Variants in SPATA18 observed in about 807,000 individuals in gnomAD.
The protein encoded by SPATA18 is mitochondria-eating protein.
Under a neutral mutation model 68.1 loss-of-function variants are expected in SPATA18, and 54 were observed. That is an observed-to-expected ratio of 0.79 (90% confidence interval 0.64 to 0.99). The LOEUF is 0.99. SPATA18 is among the 50% of genes least tolerant of loss of function. The probability of loss-of-function intolerance (pLI) is 0.00; values close to 1 mark genes in which losing one functional copy is unlikely to be tolerated. For missense variants in SPATA18, 724 were observed against 681.1 expected (o/e 1.06, Z -0.70); for synonymous variants, 242 against 244.8 (o/e 0.99, Z 0.11).
intron 11 of SPATA18, among the ~76,000 whole-genome samples, chr4:52,087,750 A>C (rs1277410209): frequency 6.6e-6 from 1 of 151,860 alleles, no homozygotes; most frequent in East Asian, 1.9e-4. Context: ...CTTGGCTAGG[A>C]GGGCTCTTTT....
In SPATA18 at chr4:52,082,437, A is replaced by G. The variant is rs1741018566; in HGVS notation, c.1406A>G (p.His469Arg). 6.2e-7 allele frequency: 1 copy of G among 1,613,934 alleles called. No homozygotes were observed. The highest frequency in any genetic ancestry group is 1.3e-5 in the African/African-American group (1 of 74,880). The change falls in exon 10 of 13, where the codon CAC becomes CGC. Residue 469 changes from histidine (H) to arginine (R), a missense_variant. His to Arg is a conservative substitution (Grantham distance 29). Transcript: ENST00000295213. Reference protein sequence around the residue: ...SDFTAPLVLYHVWPALMENDC... With the variant: ...SDFTAPLVLYRVWPALMENDC... ...TTCACTGCTCCCTTAGTCCTCTATC[A>G]CGTGTGGCCTGCTCTCATGGAGAAT...
intron 1 of SPATA18, among the ~76,000 whole-genome samples, chr4:52,052,641 A>G (rs1390181477): frequency 1.3e-5 from 2 of 152,278 alleles, no homozygotes; most frequent in African/African-American, 4.8e-5. Flanking sequence ...TTGGCTCTGC[A>G]TAGAACTAGC....
At chr4:52,069,964 G>T in intron 5 of SPATA18, 48 bp downstream of exon 5, 1 of 1,379,428 alleles carries the variant, frequency 7.2e-7, no homozygotes, top group Admixed American at 2.0e-5. Context: ...ATTGAATTTA[G>T]CTTTTTTGGT....
chr4:52,093,748 C>G (rs1284422936), intron 11 of SPATA18, among the ~76,000 whole-genome samples: 1 of 152,162 alleles, frequency 6.6e-6, no homozygotes, highest in African/African-American at 2.4e-5. Flanking sequence ...CTGTGAGAAT[C>G]CCCTATACCT....
At chr4:52,083,133 G>T (rs6854325) in intron 10 of SPATA18, 1 of 985,296 alleles carries the variant, frequency 1.0e-6, no homozygotes, top group Non-Finnish European at 1.2e-6. Context: ...GAGCATGTGG[G>T]TGTGTACGTG....
chr4:52,059,723 G>A (rs905770305), intron 1 of SPATA18, among the ~76,000 whole-genome samples: 10 of 152,170 alleles, frequency 6.6e-5, no homozygotes, highest in African/African-American at 7.2e-5. Context: ...TCTGCCCCAC[G>A]AGTCTGCAAG....
intron 11 of SPATA18, among the ~76,000 whole-genome samples, chr4:52,089,150 G>A (rs1193339269): frequency 2.6e-5 from 4 of 151,946 alleles, no homozygotes; most frequent in Non-Finnish European, 4.4e-5. Flanking sequence ...ATTTTTTATT[G>A]TGTCTATTTG....
At chr4:52,088,287 G>A (rs1417509792) in intron 11 of SPATA18, among the ~76,000 whole-genome samples, 1 of 152,074 alleles carries the variant, frequency 6.6e-6, no homozygotes, top group African/African-American at 2.4e-5. Context: ...TGATTGCCCT[G>A]GCCAGAACTT....
At chr4:52,062,127 C>T (rs1191831761) in intron 3 of SPATA18, 93 bp from the exon 4 acceptor site, 9 of 727,210 alleles carry the variant, frequency 1.2e-5, no homozygotes, top group Non-Finnish European at 1.6e-5. Context: ...CATAATTGTG[C>T]TCTTTTGAGT....
chr4:52,090,652 C>T (rs1219639278), intron 11 of SPATA18, among the ~76,000 whole-genome samples: 1 of 152,128 alleles, frequency 6.6e-6, no homozygotes, highest in Non-Finnish European at 1.5e-5. Context: ...GACAGATTCA[C>T]TCACTGTTAG....
In SPATA18 at chr4:52,060,788, G is replaced by A. The variant is rs567063333; in HGVS notation, c.200G>A (p.Arg67His). The A allele has an allele frequency of 4.2e-5, 68 of 1,613,746 alleles. 1 individual carries two copies. Among genetic ancestry groups the A allele is most frequent in the South Asian group, 8.8e-5 (8 of 91,082 alleles). ...TCGTCATTTAACATTTTAGGAGGAC[G>A]TAATGATGGTGTGGAAACAATCAAG... ...ILTAAAQEGGRNDGVETIKSR... is the reference protein window; with the variant it reads ...ILTAAAQEGGHNDGVETIKSR... Residue 67 changes from arginine (R) to histidine (H), a missense_variant, in exon 3 of 13, where the codon CGT (arginine) becomes CAT (histidine). Transcript: ENST00000295213.
intron 7 of SPATA18, among the ~76,000 whole-genome samples, chr4:52,077,561 A>G (rs575138431): frequency 7.0e-4 from 106 of 152,216 alleles, no homozygotes; most frequent in South Asian, 1.9e-3. Flanking sequence ...GCATTTGTTT[A>G]AGAAGTATCC....
At chr4:52,088,450 T>C (rs1230564704) in intron 11 of SPATA18, among the ~76,000 whole-genome samples, 2 of 152,236 alleles carry the variant, frequency 1.3e-5, no homozygotes, top group Non-Finnish European at 2.9e-5. Flanking sequence ...ATATGTTCCA[T>C]TGATACTTAG....
At chr4:52,082,695 C>A in intron 10 of SPATA18, 185 bp downstream of exon 10, 1 of 1,445,788 alleles carries the variant, frequency 6.9e-7, no homozygotes, top group South Asian at 1.4e-5. Context: ...CATAATTCTG[C>A]ATAATTTCCT....
In SPATA18 at chr4:52,080,027, A is replaced by G. The variant is rs1418424784; in HGVS notation, c.1355+108A>G. The G allele has an allele frequency of 2.5e-6, 3 of 1,214,428 alleles. No homozygotes were observed. The Admixed American group carries it at 6.9e-5, about 28-fold the overall frequency. 75.2% of individuals were successfully genotyped at this position (1,214,428 alleles called of 1,614,324 possible). On this transcript the variant is annotated intron_variant, in intron 9 of 12. Coordinates refer to ENST00000295213, the MANE Select transcript of SPATA18 (RefSeq NM_145263.4). ...GAACTCTGGGTGGAGAAATTAACAG[A>G]CACTACCTGATTTTCAGGCCCTACC...
In SPATA18 at chr4:52,060,309, A is replaced by G. The variant is rs1378521307; in HGVS notation, c.88-110A>G. On this transcript the variant is annotated intron_variant, in intron 1 of 12. Coordinates refer to ENST00000295213, the MANE Select transcript of SPATA18 (RefSeq NM_145263.4). ...GTGACTACACAGCAGTCCTGCCACA[A>G]AAGCATACCAGAGCCAGGCAGCTCG... 3 of 780,038 alleles carry G rather than the reference A, an allele frequency of 3.8e-6. No homozygotes were observed. The East Asian group carries it at 7.9e-5, about 21-fold the overall frequency. 48.3% of individuals were successfully genotyped at this position (780,038 alleles called of 1,614,324 possible). A position where few individuals can be genotyped will look rare whatever the true frequency, so the allele number is the denominator to read the frequency against.
At position 52,051,656 on chromosome 4, in the gene SPATA18, C is replaced by A; in HGVS notation, c.-49C>A. 2 of 1,573,912 alleles carry A rather than the reference C, an allele frequency of 1.3e-6. No homozygotes were observed. The highest frequency in any genetic ancestry group is 1.7e-6 in the Non-Finnish European group (2 of 1,143,522). ...GGTCCTGCGGAGGCCACCGCCTGGT[C>A]CCCCCAAGTCTCCATCGCGCAGCGT... On this transcript the variant is annotated 5_prime_UTR_variant, in exon 1 of 13. Transcript: ENST00000295213.
In SPATA18 at chr4:52,095,018, A is replaced by C. The variant is rs1326439654; in HGVS notation, c.*131A>C. ...AAAAGGCAATTCTGTGTATCACCCC[A>C]CACAGAGAGTTAAATGTTTTGGCTT... On this transcript the variant is annotated 3_prime_UTR_variant, in exon 13 of 13. Transcript: ENST00000295213. 4.7e-6 allele frequency: 5 copies of C among 1,059,222 alleles called. No homozygotes were observed. The highest frequency in any genetic ancestry group is 7.2e-6 in the Non-Finnish European group (5 of 689,790). 65.6% of individuals were successfully genotyped at this position (1,059,222 alleles called of 1,614,324 possible).
intron 5 of SPATA18, among the ~76,000 whole-genome samples, chr4:52,070,365 G>C (rs1048786687): frequency 2.6e-5 from 4 of 151,998 alleles, no homozygotes; most frequent in Admixed American, 6.6e-5. Context: ...ATATTTACTT[G>C]TATACTAATT....
Sources: gnomAD v4.1 joint callset for allele counts (sites outside exome capture counted in the v4.1 genomes callset) on GRCh38, gnomAD v4.1.1 for gene constraint, MANE v1.5 for transcripts, NCBI Gene and HGNC (gene_info 2026-07-23, HGNC 2026-07-21) for gene names.